Variants in TLE4 observed in about 807,000 individuals in gnomAD.
TLE4 encodes TLE family member 4, transcriptional corepressor.
TLE4 carries 8 observed loss-of-function variants against 92.8 expected under a neutral mutation model. The observed-to-expected ratio is 0.09, with a 90% confidence interval of 0.05 to 0.16. The LOEUF is 0.16. Ranked by LOEUF, TLE4 falls within the 10% of genes least tolerant of loss-of-function variation. The pLI, the probability that TLE4 is intolerant of heterozygous loss-of-function variation, is 1.00. For missense variants in TLE4, 675 were observed against 997.6 expected (o/e 0.68, Z 4.36); for synonymous variants, 371 against 374.1 (o/e 0.99, Z 0.10).
At position 79,703,194 on chromosome 9, in the gene TLE4, AC is replaced by A. The variant is rs528046205; in HGVS notation, c.610-1588del. Among the ~76,000 whole-genome samples the A allele has an allele frequency of 1.6e-4, 24 of 152,252 alleles. No homozygotes were observed. In the South Asian group the frequency reaches 1.9e-3, roughly 12 times the overall value. On this transcript the variant is annotated intron_variant, in intron 8 of 19. Transcript: ENST00000376552. ...TCCAGTGGTGATTGTTCTTCCTATA[AC>A]TTTTTTTCCATAGAGATTTTCAGAT... is the stretch of plus-strand genomic sequence containing the variant.
intron 6 of TLE4, among the ~76,000 whole-genome samples, chr9:79,643,982 AGC>A (rs2057654111): frequency 1.3e-5 from 2 of 152,086 alleles, no homozygotes; most frequent in Admixed American, 6.5e-5. Flanking sequence ...CCTTAATACT[AGC>A]AGTCACCATT....
At chr9:79,654,020 C>T in intron 7 of TLE4, 39 bp from the exon 8 acceptor site, 2 of 1,612,608 alleles carry the variant, frequency 1.2e-6, no homozygotes, top group Non-Finnish European at 1.7e-6. Flanking sequence ...CTTCTTCCCA[C>T]CACTTTATCT....
intron 8 of TLE4, among the ~76,000 whole-genome samples, chr9:79,688,700 G>C (rs946764288): frequency 6.6e-6 from 1 of 151,472 alleles, no homozygotes; most frequent in African/African-American, 2.4e-5. Context: ...GAAGAATGCC[G>C]TATAAAACAT....
At chr9:79,594,176 G>C (rs527970538) in intron 4 of TLE4, among the ~76,000 whole-genome samples, 1 of 152,320 alleles carries the variant, frequency 6.6e-6, no homozygotes, top group South Asian at 2.1e-4. Flanking sequence ...AATTCAATGT[G>C]CATACAAATC....
At chr9:79,586,888 G>A (rs1266526922) in intron 4 of TLE4, among the ~76,000 whole-genome samples, 1 of 152,136 alleles carries the variant, frequency 6.6e-6, no homozygotes, top group African/African-American at 2.4e-5. Context: ...CCGGCATATA[G>A]CATATAATAA....
At chr9:79,594,963 A>G (rs1456512964) in intron 4 of TLE4, among the ~76,000 whole-genome samples, 2 of 152,218 alleles carry the variant, frequency 1.3e-5, no homozygotes, top group African/African-American at 4.8e-5. Context: ...TAGAAATAAG[A>G]AAATACTATT....
intron 4 of TLE4, among the ~76,000 whole-genome samples, chr9:79,605,973 A>G (rs528637552): frequency 6.6e-6 from 1 of 152,016 alleles, no homozygotes; most frequent in Non-Finnish European, 1.5e-5. Context: ...GAGATTCAAT[A>G]TTGACACTTT....
chr9:79,689,544 C>T (rs1306792808), intron 8 of TLE4, among the ~76,000 whole-genome samples: 1 of 152,136 alleles, frequency 6.6e-6, no homozygotes, highest in Non-Finnish European at 1.5e-5. Flanking sequence ...ATTGTAGAGT[C>T]AAGCATGGAA....
chr9:79,651,989 G>T lies in TLE4; in HGVS notation c.391-604G>T, dbSNP rs543678594. On this transcript the variant is annotated intron_variant, in intron 6 of 19. Transcript: ENST00000376552. ...AAAGCCTTTTATGAGGTTTGTTAAA[G>T]AAATATGTTTGCATATCAACTATTG... 2.6e-5 allele frequency among the ~76,000 whole-genome samples: 4 copies of T among 152,194 alleles called. No homozygotes were observed. In the East Asian group the frequency reaches 7.7e-4, roughly 29 times the overall value.
chr9:79,618,764 C>T (rs1475928414), intron 5 of TLE4, among the ~76,000 whole-genome samples: 1 of 151,966 alleles, frequency 6.6e-6, no homozygotes, highest in Non-Finnish European at 1.5e-5. Flanking sequence ...AGGAGCACAC[C>T]TGGGGGCCTG....
intron 4 of TLE4, among the ~76,000 whole-genome samples, chr9:79,601,857 G>A (rs888253764): frequency 2.0e-5 from 3 of 152,160 alleles, no homozygotes; most frequent in Non-Finnish European, 4.4e-5. Flanking sequence ...AAGGCATGTC[G>A]AAAGCCAATG....
At chr9:79,631,478 T>G (rs544981889) in intron 6 of TLE4, among the ~76,000 whole-genome samples, 2 of 152,332 alleles carry the variant, frequency 1.3e-5, no homozygotes, top group African/African-American at 4.8e-5. Flanking sequence ...TTACTTGTAT[T>G]ACTAAGGAAA....
rs1165748991 is a variant in TLE4 at position 79,713,467 on chromosome 9, T to C, written c.1340+3768T>C. On this transcript the variant is annotated intron_variant, in intron 14 of 19. Coordinates refer to ENST00000376552, the MANE Select transcript of TLE4 (RefSeq NM_007005.6). ...AGCAGCTTAACCTGTGGTGTGTGTG[T>C]TCGTGTTGAGAGGAGGTCAGGTCAC... Among the ~76,000 whole-genome samples, 4 of 152,176 alleles carry C rather than the reference T, an allele frequency of 2.6e-5. No homozygotes were observed. The East Asian group carries it at 7.7e-4, about 29-fold the overall frequency.
intron 6 of TLE4, among the ~76,000 whole-genome samples, chr9:79,634,731 A>G (rs1331956439): frequency 2.0e-5 from 3 of 152,132 alleles, no homozygotes; most frequent in African/African-American, 7.2e-5. Flanking sequence ...ATGTCATGTA[A>G]ATGGAATTAT....
In TLE4 at chr9:79,582,886, G is replaced by C. The variant is rs576773726; in HGVS notation, c.252+6709G>C. Among the ~76,000 whole-genome samples, 349 of 152,238 alleles carry C rather than the reference G, an allele frequency of 2.3e-3. 1 individual carries two copies. Among genetic ancestry groups the C allele is most frequent in the Non-Finnish European group, 4.3e-3 (292 of 68,010 alleles). On this transcript the variant is annotated intron_variant, in intron 4 of 19. Transcript: ENST00000376552. ...AAGCTGGGCTGTTGGAGAGAAGCAG[G>C]GGGGCAGCACATTTACGCATGGGCA...
chr9:79,662,786 C>A (rs550445945), intron 8 of TLE4, among the ~76,000 whole-genome samples: 2 of 152,300 alleles, frequency 1.3e-5, no homozygotes, highest in South Asian at 4.1e-4. Context: ...CATAAAGGAG[C>A]AGAGTAAATT....
rs1323951577 is a variant in TLE4 at position 79,707,967 on chromosome 9, T to A, written c.937-151T>A. ...GTCTCAAGGAACTCTTTTGTTTCTT[T>A]GTTAACTTTTCTATTAAAGAAAATC... On this transcript the variant is annotated intron_variant, in intron 11 of 19. Transcript: ENST00000376552. 5 of 766,312 alleles carry A rather than the reference T, an allele frequency of 6.5e-6. No individual in the cohort carries two copies. The East Asian group carries it at 1.1e-4, about 16-fold the overall frequency. 47.5% of individuals were successfully genotyped at this position (766,312 alleles called of 1,614,324 possible).
chr9:79,715,889 C>T (rs76587550), intron 14 of TLE4, among the ~76,000 whole-genome samples: 1,711 of 152,254 alleles, frequency 0.011, 19 homozygotes, highest in Non-Finnish European at 0.015. Context: ...AGATTCTAAG[C>T]GTCCCATCCA....
intron 1 of TLE4, 114 bp from the exon 2 acceptor site, chr9:79,573,575 T>C: frequency 1.1e-6 from 1 of 921,164 alleles, no homozygotes; most frequent in Non-Finnish European, 1.6e-6. Flanking sequence ...AATCTCTCTT[T>C]GCTTGCGTGC....
Sources: gnomAD v4.1 joint callset for allele counts (sites outside exome capture counted in the v4.1 genomes callset) on GRCh38, gnomAD v4.1.1 for gene constraint, MANE v1.5 for transcripts, NCBI Gene and HGNC (gene_info 2026-07-23, HGNC 2026-07-21) for gene names.